MS4A13: variants seen among roughly 807,000 people sequenced by gnomAD.
MS4A13 encodes the protein membrane spanning 4-domains A13.
In MS4A13, 21 loss-of-function variants were observed where a neutral mutation model predicts 18.4. That is an observed-to-expected ratio of 1.14 (90% CI 0.81 to 1.64). MS4A13 has a LOEUF of 1.64. Among genes scored for constraint, MS4A13 ranks in the 40% most tolerant of loss-of-function variants. MS4A13 has a pLI of 0.00. For missense variants in MS4A13, 173 were observed against 176.8 expected, an observed-to-expected ratio of 0.98 and a Z score of 0.12; for synonymous variants, 62 against 57.2, an observed-to-expected ratio of 1.08 and a Z score of -0.38.
intron 2 of MS4A13, among the ~76,000 whole-genome samples, chr11:60,516,779 A>G (rs1202679615): frequency 6.6e-6 from 1 of 152,146 alleles, no homozygotes; most frequent in Non-Finnish European, 1.5e-5. Flanking sequence ...TTCTCCACAC[A>G]CTGGCAGTTC....
At chr11:60,523,870 T>C (rs779073955) in intron 3 of MS4A13, 27 bp from the exon 4 acceptor site, 1 of 1,251,564 alleles carries the variant, frequency 8.0e-7, no homozygotes, top group South Asian at 1.2e-5. Context: ...TATCAATGAG[T>C]ATTTATAAAT....
chr11:60,527,410 C>CTCTCTGTGTGTGTG (rs1555024373), intron 5 of MS4A13, among the ~76,000 whole-genome samples: 3 of 28,806 alleles, frequency 1.0e-4, no homozygotes, highest in African/African-American at 1.6e-4. Flanking sequence ...CTCTCTCTCT[C>CTCTCTGTGTGTGTG]TGTGTGTGTG....
At chr11:60,531,092 G>T (rs944756429) in intron 6 of MS4A13, among the ~76,000 whole-genome samples, 1 of 152,122 alleles carries the variant, frequency 6.6e-6, no homozygotes, top group Non-Finnish European at 1.5e-5. Context: ...ATTCCGTTAC[G>T]CAGAAGTTTA....
At chr11:60,531,493 A>C (rs890336987) in intron 6 of MS4A13, among the ~76,000 whole-genome samples, 5 of 152,212 alleles carry the variant, frequency 3.3e-5, no homozygotes, top group African/African-American at 1.2e-4. Flanking sequence ...ATAAAGTAAA[A>C]GCTGGGGCAA....
chr11:60,531,326 G>A (rs1442862645), intron 6 of MS4A13, among the ~76,000 whole-genome samples: 1 of 152,158 alleles, frequency 6.6e-6, no homozygotes, highest in Admixed American at 6.5e-5. Flanking sequence ...ACTCAACAGA[G>A]AAATTTGAAG....
chr11:60,527,728 C>T (rs954111719), intron 5 of MS4A13, among the ~76,000 whole-genome samples: 1 of 151,990 alleles, frequency 6.6e-6, no homozygotes, highest in South Asian at 2.1e-4. Context: ...CCCAGCTACT[C>T]CGGAGGCTAA....
At chr11:60,540,308 C>G (rs2086846871) in intron 6 of MS4A13, among the ~76,000 whole-genome samples, 1 of 152,188 alleles carries the variant, frequency 6.6e-6, no homozygotes, top group Admixed American at 6.5e-5. Context: ...AGATTTGGTC[C>G]ATGTATCATA....
chr11:60,524,967 A>C (rs867976072), intron 4 of MS4A13, among the ~76,000 whole-genome samples: 7 of 152,166 alleles, frequency 4.6e-5, no homozygotes, highest in African/African-American at 1.7e-4. Flanking sequence ...GCCCCAAAAA[A>C]TACAATATGT....
chr11:60,527,192 C>A (rs976986364), intron 5 of MS4A13, among the ~76,000 whole-genome samples: 15 of 152,090 alleles, frequency 9.9e-5, no homozygotes, highest in African/African-American at 3.6e-4. Flanking sequence ...TTTATAATTA[C>A]CAAATATTGC....
In MS4A13 at chr11:60,530,380, C is replaced by G. The variant is rs138261293; in HGVS notation, c.402+920C>G. ...GCAAGATTATTTTATGTAGGATGGT[C>G]AAGGAAGACTACTATGATCAACAAC... On this transcript the variant is annotated intron_variant, in intron 6 of 6. Transcript: ENST00000378186. 4.6e-5 allele frequency among the ~76,000 whole-genome samples: 7 copies of G among 152,244 alleles called. No individual in the cohort carries two copies. The South Asian group carries it at 1.5e-3, about 32-fold the overall frequency.
intron 2 of MS4A13, 110 bp downstream of exon 2, chr11:60,516,194 A>C (rs2086636261): frequency 8.3e-6 from 1 of 120,672 alleles, no homozygotes; most frequent in Admixed American, 7.6e-5. Flanking sequence ...AAAGGGTAAA[A>C]GTTTTTTTTT....
chr11:60,517,517 C>T (rs529851770), intron 2 of MS4A13, among the ~76,000 whole-genome samples: 33 of 152,172 alleles, frequency 2.2e-4, no homozygotes, highest in Middle Eastern at 6.8e-3. Flanking sequence ...CGAGTTCAAG[C>T]GAGTCCATTT....
intron 5 of MS4A13, among the ~76,000 whole-genome samples, chr11:60,527,410 C>CTCTG (rs1555024373): frequency 8.3e-4 from 24 of 28,808 alleles, no homozygotes; most frequent in African/African-American, 3.5e-3. Context: ...CTCTCTCTCT[C>CTCTG]TGTGTGTGTG....
At chr11:60,527,410 C>CTCTCTCTCTCTCTGTG (rs1555024373) in intron 5 of MS4A13, among the ~76,000 whole-genome samples, 1 of 28,788 alleles carries the variant, frequency 3.5e-5, no homozygotes, top group African/African-American at 1.6e-4. Flanking sequence ...CTCTCTCTCT[C>CTCTCTCTCTCTCTGTG]TGTGTGTGTG....
chr11:60,520,989 G>T (rs531790366), intron 3 of MS4A13, among the ~76,000 whole-genome samples: 53 of 152,346 alleles, frequency 3.5e-4, no homozygotes, highest in African/African-American at 1.2e-3. Context: ...TGACTTCTGT[G>T]TACCCGCAGG....
At chr11:60,524,394 G>C (rs866616641) in intron 4 of MS4A13, among the ~76,000 whole-genome samples, 5 of 152,018 alleles carry the variant, frequency 3.3e-5, no homozygotes, top group Non-Finnish European at 7.4e-5. Context: ...GATAGAATTG[G>C]GAAGAACACT....
At chr11:60,540,227 A>G (rs1298309016) in intron 6 of MS4A13, among the ~76,000 whole-genome samples, 2 of 152,222 alleles carry the variant, frequency 1.3e-5, no homozygotes, top group Admixed American at 6.5e-5. Flanking sequence ...GAAAGTATTC[A>G]TAGACAATAC....
chr11:60,540,647 TAAAG>T (rs1475899417), intron 6 of MS4A13, among the ~76,000 whole-genome samples: 4 of 152,074 alleles, frequency 2.6e-5, no homozygotes, highest in African/African-American at 7.2e-5. Flanking sequence ...TTTTAAAAAA[TAAAG>T]AAAGAACACA....
rs371594555 is a variant in MS4A13 at position 60,529,422 on chromosome 11, A to G, written c.364A>G (p.Ile122Val). Residue 122 changes from isoleucine to valine, a missense_variant, in exon 6 of 7, where the codon ATT becomes GTT. Coordinates refer to ENST00000378186, the MANE Select transcript of MS4A13 (RefSeq NM_001012417.3). ...GTTCTTCTACGGTTTGGAATTTTCT[A>G]TTGCACTTACACACTCAATATACAG... is the stretch of plus-strand genomic sequence containing the variant. Reference protein sequence around the residue: ...LLFFYGLEFSIALTHSIYSCS... With the variant: ...LLFFYGLEFSVALTHSIYSCS... 25 of 1,610,232 alleles carry G rather than the reference A, an allele frequency of 1.6e-5. No homozygotes were observed. The highest frequency in any genetic ancestry group is 2.0e-5 in the Non-Finnish European group (24 of 1,178,344).
Sources: allele counts gnomAD v4.1 joint callset (sites outside exome capture counted in the v4.1 genomes callset), GRCh38; gene constraint gnomAD v4.1.1; transcripts MANE v1.5; gene names NCBI Gene and HGNC (gene_info 2026-07-23, HGNC 2026-07-21).